TUBB: variants seen among roughly 807,000 people sequenced by gnomAD.
TUBB encodes the protein tubulin beta chain.
In TUBB, 2 loss-of-function variants were observed where a neutral mutation model predicts 35.1. The observed-to-expected ratio is 0.06, with a 90% CI of 0.02 to 0.18. TUBB has a LOEUF of 0.18. Ranked by LOEUF, TUBB falls within the 10% of genes least tolerant of loss-of-function variation. TUBB has a pLI of 1.00. For synonymous variants in TUBB, 205 were observed against 223.8 expected (o/e 0.92, Z 0.75); for missense variants, 50 against 599.4 (o/e 0.08, Z 9.57).
intron 2 of TUBB, 46 bp from the exon 3 acceptor site, chr6:30,722,872 C>T (rs752205645): frequency 1.3e-6 from 2 of 1,513,606 alleles, no homozygotes; most frequent in African/African-American, 1.4e-5. Context: ...ATCTATAAAC[C>T]TTCCCTTCTG....
At chr6:30,720,713 C>T in intron 1 of TUBB, 150 bp downstream of exon 1, 2 of 686,454 alleles carry the variant, frequency 2.9e-6, no homozygotes, top group South Asian at 2.0e-5. Context: ...ACAATTGTAG[C>T]TAGCATTTGC....
chr6:30,724,538 C>T lies in TUBB; in HGVS notation c.*141C>T. The stretch of plus-strand genomic sequence containing the variant: ...TTCTGGGGGGGGTCTAGAACAGTGC[C>T]TGGCACATAGTAGGCGCTCAATAAA... On this transcript the variant is annotated 3_prime_UTR_variant, in exon 4 of 4. Transcript: ENST00000327892. This position sits in a 1 kb window ranked among gnomAD's most constrained non-coding sequence, Gnocchi z 4.4. 1 of 707,292 alleles carries T rather than the reference C, an allele frequency of 1.4e-6. No homozygotes were observed. 43.8% of individuals were successfully genotyped at this position (707,292 alleles called of 1,614,324 possible). A position where few individuals can be genotyped will look rare whatever the true frequency, so the allele number is the denominator to read the frequency against.
chr6:30,722,719 G>T, intron 2 of TUBB, 74 bp downstream of exon 2: 1 of 1,359,412 alleles, frequency 7.4e-7, no homozygotes, highest in Non-Finnish European at 1.0e-6. Flanking sequence ...TTCCATTTCT[G>T]GGCACGCCTT....
At position 30,724,698 on chromosome 6, in the gene TUBB, G is replaced by A; in HGVS notation, c.*301G>A. 1 of 411,344 alleles carries A rather than the reference G, an allele frequency of 2.4e-6. No homozygotes were observed. The highest frequency in any genetic ancestry group is 4.3e-6 in the Non-Finnish European group (1 of 232,510). 25.5% of individuals were successfully genotyped at this position (411,344 alleles called of 1,614,324 possible). On this transcript the variant is annotated 3_prime_UTR_variant, in exon 4 of 4. Coordinates refer to ENST00000327892, the MANE Select transcript of TUBB (RefSeq NM_178014.4). The surrounding 1 kb of genome is among the most constrained non-coding windows in gnomAD (Gnocchi z 4.4). ...AATACTTCCTCTTAAAAATCTCCAA[G>A]AAGCTGGGTCTCCAGATCCCATTTA...
At chr6:30,721,577 G>A (rs1312192976) in intron 1 of TUBB, 3 of 985,402 alleles carry the variant, frequency 3.0e-6, no homozygotes, top group Non-Finnish European at 3.6e-6. Flanking sequence ...CGACCTGCGC[G>A]TGCGCCGCAG....
intron 2 of TUBB, 126 bp downstream of exon 2, chr6:30,722,771 C>T (rs1387355834): frequency 1.8e-6 from 2 of 1,136,424 alleles, no homozygotes; most frequent in African/African-American, 3.1e-5. Flanking sequence ...CTTTCGTGAA[C>T]CACCGTCGGG....
rs1303559007 is a variant in TUBB, at chr6:30,725,104, C to T, written c.*707C>T. 1.3e-5 allele frequency: 2 copies of T among 152,024 alleles called. No homozygotes were observed. Among genetic ancestry groups the T allele is most frequent in the African/African-American group, 4.8e-5 (2 of 41,390 alleles). The allele number at this position is 152,024 out of a possible 1,614,324, so 9.4% of individuals were successfully genotyped here. ...GTTGGGAGGGGGGAAAGAGACCAGC[C>T]TTGGTCCCTAAGCCTCCAGAAACGT... On this transcript the variant is annotated 3_prime_UTR_variant, in exon 4 of 4. Transcript: ENST00000327892.
chr6:30,723,735 C>T lies in TUBB; in HGVS notation c.673C>T (p.Leu225=). 6.2e-7 allele frequency: 1 copy of T among 1,614,200 alleles called. No homozygotes were observed. Among genetic ancestry groups the T allele is most frequent in the Non-Finnish European group, 8.5e-7 (1 of 1,180,038 alleles). The change falls in exon 4 of 4, where the codon CTG becomes TTG. Residue 225 remains leucine, a synonymous_variant. Coordinates refer to ENST00000327892, the MANE Select transcript of TUBB (RefSeq NM_178014.4). ...GCTGACCACACCAACCTACGGGGAT[C>T]TGAACCACCTTGTCTCAGCCACCAT... ...LKLTTPTYGD[L]NHLVSATMSG...
intron 1 of TUBB, chr6:30,721,633 T>G (rs1302453287): frequency 1.0e-6 from 1 of 985,260 alleles, no homozygotes; most frequent in Non-Finnish European, 1.2e-6. Context: ...GGCAGCTCTT[T>G]CCTCAGACCC....
intron 1 of TUBB, chr6:30,721,525 G>A (rs1209462156): frequency 1.0e-6 from 1 of 984,042 alleles, no homozygotes; most frequent in Non-Finnish European, 1.2e-6. Context: ...CGGAATTTTT[G>A]TCCCTGGCCC....
At chr6:30,721,709 G>C (rs1438271688) in intron 1 of TUBB, 1 of 985,290 alleles carries the variant, frequency 1.0e-6, no homozygotes, top group Admixed American at 6.1e-5. Context: ...GGCGCTTATC[G>C]AAGTGTGGTC....
intron 1 of TUBB, 56 bp downstream of exon 1, chr6:30,720,619 A>G: frequency 6.4e-7 from 1 of 1,551,874 alleles, no homozygotes; most frequent in Non-Finnish European, 8.8e-7. Flanking sequence ...CAGGTAAGTT[A>G]TGAAAAAATG....
chr6:30,721,725 C>A (rs1562153432), intron 1 of TUBB: 1 of 985,016 alleles, frequency 1.0e-6, no homozygotes. Flanking sequence ...TGGTCGACCT[C>A]CATCCGCCCA....
chr6:30,721,617 T>G lies in TUBB; in HGVS notation c.58-920T>G, dbSNP rs906117822. 1.0e-5 allele frequency: 10 copies of G among 985,224 alleles called. No individual in the cohort carries two copies. The African/African-American group carries it at 1.6e-4, about 16-fold the overall frequency. 61.0% of individuals were successfully genotyped at this position (985,224 alleles called of 1,614,324 possible). A position where few individuals can be genotyped will look rare whatever the true frequency, so the allele number is the denominator to read the frequency against. ...GTGGAGGGCGGGGGGGGTGGTCGAC[T>G]GCGGCGGCAGCTCTTTCCTCAGACC... is the stretch of plus-strand genomic sequence containing the variant. On this transcript the variant is annotated intron_variant, in intron 1 of 3. Coordinates refer to ENST00000327892, the MANE Select transcript of TUBB (RefSeq NM_178014.4).
intron 1 of TUBB, among the ~76,000 whole-genome samples, chr6:30,721,401 G>A (rs1274969570): frequency 6.6e-6 from 1 of 150,728 alleles, no homozygotes; most frequent in African/African-American, 2.4e-5. Flanking sequence ...CTGCTACGTT[G>A]TAGCAGAAGG....
chr6:30,723,974 C>T lies in TUBB; in HGVS notation c.912C>T (p.Asp304=), dbSNP rs1272861074. The change falls in exon 4 of 4, where the codon GAC becomes GAT. Residue 304 remains aspartate, a synonymous_variant. Transcript: ENST00000327892. ...CCAAGAACATGATGGCTGCCTGTGACCCCCGCCACGGCCGATACCTCACCG... is the reference window on the plus strand; with the variant it reads ...CCAAGAACATGATGGCTGCCTGTGATCCCCGCCACGGCCGATACCTCACCG... ...FDAKNMMAAC[D]PRHGRYLTVA... 2 of 1,614,120 alleles carry T rather than the reference C, an allele frequency of 1.2e-6. No homozygotes were observed. Among genetic ancestry groups the T allele is most frequent in the Non-Finnish European group, 1.7e-6 (2 of 1,179,998 alleles).
At chr6:30,722,318 C>T (rs1456094745) in intron 1 of TUBB, 5 of 540,928 alleles carry the variant, frequency 9.2e-6, no homozygotes, top group Admixed American at 3.1e-5. Flanking sequence ...TGGTGCGCGC[C>T]TATAGTCCCA....
At position 30,720,352 on chromosome 6, in the gene TUBB, C is replaced by T. The variant is rs764389596; in HGVS notation, c.-155C>T. 7 of 741,942 alleles carry T rather than the reference C, an allele frequency of 9.4e-6. No homozygotes were observed. In the East Asian group the frequency reaches 1.4e-4, roughly 14 times the overall value. 46.0% of individuals were successfully genotyped at this position (741,942 alleles called of 1,614,324 possible). On this transcript the variant is annotated 5_prime_UTR_variant, in exon 1 of 4. Transcript: ENST00000327892. ...CCGCGCCCTCCCCTCTCCTTTCTCC[C>T]TCTCAGAACCTTCCTGCCGTCGCGT...
At chr6:30,723,060 A>ATACCATCGTGTTCAACT in intron 3 of TUBB, 32 bp downstream of exon 3, 6 of 1,540,122 alleles carry the variant, frequency 3.9e-6, no homozygotes, top group Non-Finnish European at 5.4e-6. Context: ...AGCAGATGAT[A>ATACCATCGTGTTCAACT]TACCATCGTG....
Sources: allele counts gnomAD v4.1 joint callset (sites outside exome capture counted in the v4.1 genomes callset), GRCh38; gene constraint gnomAD v4.1.1; non-coding constraint Gnocchi (gnomAD v3.1); transcripts MANE v1.5; gene names NCBI Gene and HGNC (gene_info 2026-07-23, HGNC 2026-07-21).